The following SPATA17 variants were observed in gnomAD, a reference collection of about 807,000 sequenced individuals.
SPATA17 encodes the protein spermatogenesis associated 17.
SPATA17 carries 53 observed loss-of-function variants against 62.2 expected under a neutral mutation model. The observed-to-expected ratio is 0.85, with a 90% CI of 0.68 to 1.07. The LOEUF (loss-of-function observed/expected upper bound fraction) is 1.07, where lower values mean the gene tolerates loss of function less well. SPATA17 is among the 50% of genes least tolerant of loss of function. The probability of loss-of-function intolerance (pLI) is 0.00; values close to 1 mark genes in which losing one functional copy is unlikely to be tolerated. For synonymous variants in SPATA17, 146 were observed against 146.8 expected, an observed-to-expected ratio of 0.99 and a Z score of 0.04; for missense variants, 466 against 425.5, an observed-to-expected ratio of 1.10 and a Z score of -0.84.
intron 6 of SPATA17, among the ~76,000 whole-genome samples, chr1:217,759,502 C>T (rs1258101584): frequency 6.6e-6 from 1 of 151,916 alleles, no homozygotes; most frequent in African/African-American, 2.4e-5. Flanking sequence ...TTGAAAGTGG[C>T]AATGGGGAAC....
At chr1:217,822,845 A>G (rs991336775) in intron 9 of SPATA17, among the ~76,000 whole-genome samples, 3 of 151,290 alleles carry the variant, frequency 2.0e-5, no homozygotes, top group Non-Finnish European at 4.4e-5. Flanking sequence ...AGCCTGCTCA[A>G]CTGATAGTTG....
Position 217,862,755 on chromosome 1 carries a change from T to C in SPATA17, c.1006-19T>C. ...ATCATGAAGATCTCTGTGGTAATCT[T>C]TGAACTTTTTCCTCCTAGGATTTCC... On this transcript the variant is annotated intron_variant, in intron 9 of 10. Coordinates refer to ENST00000366933, the MANE Select transcript of SPATA17 (RefSeq NM_138796.4). The C allele has an allele frequency of 3.9e-6, 6 of 1,556,240 alleles. No individual in the cohort carries two copies. The highest frequency in any genetic ancestry group is 5.3e-6 in the Non-Finnish European group (6 of 1,134,826).
chr1:217,814,918 A>G (rs1363535503), intron 9 of SPATA17, among the ~76,000 whole-genome samples: 1 of 152,140 alleles, frequency 6.6e-6, no homozygotes, highest in Non-Finnish European at 1.5e-5. Context: ...CTGCATTGTT[A>G]CTCATCTAGA....
chr1:217,676,970 G>A (rs1335638877), intron 4 of SPATA17, among the ~76,000 whole-genome samples: 1 of 151,852 alleles, frequency 6.6e-6, no homozygotes, highest in African/African-American at 2.4e-5. Context: ...ACCTATACTC[G>A]CTTAGTGAAA....
Position 217,690,495 on chromosome 1 carries a change from T to A in SPATA17, c.395+7134T>A, listed in dbSNP as rs532373982. ...TTTATTTTTTTTTTTTTTAATTATT[T>A]TTTTTTATTATACTTTAAGTTTTAG... On this transcript the variant is annotated intron_variant, in intron 5 of 10. Coordinates refer to ENST00000366933, the MANE Select transcript of SPATA17 (RefSeq NM_138796.4). Among the ~76,000 whole-genome samples, 7 of 149,796 alleles carry A rather than the reference T, an allele frequency of 4.7e-5. No homozygotes were observed. The South Asian group carries it at 6.3e-4, about 13-fold the overall frequency.
At chr1:217,797,650 T>C (rs774637427) in intron 8 of SPATA17, among the ~76,000 whole-genome samples, 6 of 152,200 alleles carry the variant, frequency 3.9e-5, no homozygotes, top group Non-Finnish European at 8.8e-5. Context: ...TTGCTGTTTG[T>C]TGATTCATTT....
chr1:217,721,839 C>G (rs1458377742), intron 5 of SPATA17, among the ~76,000 whole-genome samples: 1 of 152,188 alleles, frequency 6.6e-6, no homozygotes, highest in African/African-American at 2.4e-5. Context: ...ATGATATTCT[C>G]CCAGCAACCC....
chr1:217,826,771 A>C (rs376960808), intron 9 of SPATA17, among the ~76,000 whole-genome samples: 1 of 152,118 alleles, frequency 6.6e-6, no homozygotes, highest in African/African-American at 2.4e-5. Flanking sequence ...AATAATTATG[A>C]AATTGCATTC....
At chr1:217,728,904 T>C (rs1426251417) in intron 5 of SPATA17, among the ~76,000 whole-genome samples, 1 of 152,224 alleles carries the variant, frequency 6.6e-6, no homozygotes, top group Non-Finnish European at 1.5e-5. Flanking sequence ...AGCCTTGTTA[T>C]GCTGTCCATC....
rs533360541 is a variant in SPATA17, at chr1:217,633,478, G to A, written c.68+2032G>A. Among the ~76,000 whole-genome samples, 9 of 151,762 alleles carry A rather than the reference G, an allele frequency of 5.9e-5. No individual in the cohort carries two copies. In the East Asian group the frequency reaches 1.7e-3, roughly 29 times the overall value. ...AACAATTAATTGGCCAGGCACAGTG[G>A]CTCAGGCCTGTAATCCCAGCACGTT... On this transcript the variant is annotated intron_variant, in intron 1 of 10. Coordinates refer to ENST00000366933, the MANE Select transcript of SPATA17 (RefSeq NM_138796.4).
At chr1:217,640,645 A>G (rs116016019) in intron 1 of SPATA17, among the ~76,000 whole-genome samples, 6,297 of 152,176 alleles carry the variant, frequency 0.041, 197 homozygotes, top group Middle Eastern at 0.095. Flanking sequence ...AATAAAAATA[A>G]AAACTGTAAA....
chr1:217,729,865 T>C (rs1015466445), intron 5 of SPATA17, among the ~76,000 whole-genome samples: 1 of 152,140 alleles, frequency 6.6e-6, no homozygotes, highest in African/African-American at 2.4e-5. Flanking sequence ...TTTCAAAATA[T>C]TTAAAAACAA....
rs77293817 is a variant in SPATA17 at position 217,780,672 on chromosome 1, C to A, written c.724-1502C>A. 2.5e-3 allele frequency among the ~76,000 whole-genome samples: 379 copies of A among 152,076 alleles called. 12 individuals are homozygous for A. The East Asian group carries it at 0.06, about 24-fold the overall frequency. On this transcript the variant is annotated intron_variant, in intron 7 of 10. Coordinates refer to ENST00000366933, the MANE Select transcript of SPATA17 (RefSeq NM_138796.4). Reference sequence around the variant, plus strand: ...GCCATTGTGTATTTCTTTGATGCTACTATTGCTCAAAACCTTTTAAAAACT... The same window carrying A: ...GCCATTGTGTATTTCTTTGATGCTAATATTGCTCAAAACCTTTTAAAAACT...
intron 9 of SPATA17, among the ~76,000 whole-genome samples, chr1:217,821,578 A>C (rs1674863496): frequency 6.6e-6 from 1 of 152,076 alleles, no homozygotes; most frequent in African/African-American, 2.4e-5. Context: ...CGATTAGGTA[A>C]ATTTTAAAGG....
intron 9 of SPATA17, among the ~76,000 whole-genome samples, chr1:217,858,977 G>A (rs765645160): frequency 5.5e-4 from 84 of 151,802 alleles, no homozygotes; most frequent in Non-Finnish European, 1.0e-3. Flanking sequence ...GCAGTGAGCT[G>A]AAATCATGCT....
In SPATA17 at chr1:217,814,684, CA is replaced by C. The variant is rs555130494; in HGVS notation, c.1005+12841del. On this transcript the variant is annotated intron_variant, in intron 9 of 10. Coordinates refer to ENST00000366933, the MANE Select transcript of SPATA17 (RefSeq NM_138796.4). The stretch of plus-strand genomic sequence containing the variant: ...GCAACATAGAGAGACCCTGTCTCCG[CA>C]AAAAAATTAAAAATTATCTGGACAT... Among the ~76,000 whole-genome samples the C allele has an allele frequency of 2.0e-5, 3 of 151,744 alleles. No homozygotes were observed. The East Asian group carries it at 5.8e-4, about 29-fold the overall frequency.
chr1:217,669,604 G>A (rs2102897136), intron 4 of SPATA17, among the ~76,000 whole-genome samples: 1 of 152,262 alleles, frequency 6.6e-6, no homozygotes, highest in Non-Finnish European at 1.5e-5. Context: ...TTTCTGCACT[G>A]ATCTTGGGAA....
intron 3 of SPATA17, among the ~76,000 whole-genome samples, chr1:217,666,926 G>A (rs1371786514): frequency 6.6e-6 from 1 of 151,780 alleles, no homozygotes; most frequent in Non-Finnish European, 1.5e-5. Flanking sequence ...GAATCAAAGT[G>A]CTTTCTCACC....
chr1:217,728,394 G>C (rs1220641390), intron 5 of SPATA17, among the ~76,000 whole-genome samples: 1 of 152,022 alleles, frequency 6.6e-6, no homozygotes, highest in Non-Finnish European at 1.5e-5. Flanking sequence ...ACAAATATTA[G>C]TATAGATGTT....
Sources: gnomAD v4.1 joint callset for allele counts (sites outside exome capture counted in the v4.1 genomes callset) on GRCh38, gnomAD v4.1.1 for gene constraint, MANE v1.5 for transcripts, NCBI Gene and HGNC (gene_info 2026-07-23, HGNC 2026-07-21) for gene names.